Variants in KIF1C observed in about 807,000 individuals in gnomAD.
KIF1C encodes the protein kinesin family member 1C.
A neutral mutation model predicts 126.5 loss-of-function variants in KIF1C; 61 were observed. The ratio of observed to expected loss-of-function variants is 0.48; its 90% CI spans 0.39 to 0.60. The LOEUF is 0.60. KIF1C is among the 20% of genes least tolerant of loss of function. The pLI is 0.00. For synonymous variants in KIF1C, 640 were observed against 580.6 expected (o/e 1.10, Z -1.47); for missense variants, 1,315 against 1,489.2 (o/e 0.88, Z 1.93).
rs2143331092 is a variant in KIF1C, at chr17:5,006,897, CCT to C, written c.1166-15_1166-14del. 2 of 1,610,886 alleles carry C rather than the reference CCT, an allele frequency of 1.2e-6. No homozygotes were observed. Among genetic ancestry groups the C allele is most frequent in the Non-Finnish European group, 1.7e-6 (2 of 1,179,178 alleles). On this transcript the variant is annotated splice_polypyrimidine_tract_variant and intron_variant, in intron 13 of 22. Transcript: ENST00000320785. The stretch of plus-strand genomic sequence containing the variant: ...TTCTTTCCTTAGCCTCATTCTTTTT[CCT>C]CTTTCTCCCTCCCAGGCCTGAAGAC...
intron 16 of KIF1C, among the ~76,000 whole-genome samples, chr17:5,009,455 G>A (rs1375032476): frequency 6.6e-6 from 1 of 151,904 alleles, no homozygotes; most frequent in Non-Finnish European, 1.5e-5. Flanking sequence ...TGGGGTTACA[G>A]GTGTGAGCCA....
intron 18 of KIF1C, among the ~76,000 whole-genome samples, chr17:5,017,362 C>T (rs1190214884): frequency 6.9e-6 from 1 of 144,084 alleles, no homozygotes; most frequent in Non-Finnish European, 1.5e-5. Flanking sequence ...TGCAGTGGCG[C>T]GATCTCGGCT....
rs952776806 is a variant in KIF1C at position 5,005,123 on chromosome 17, C to A, written c.1165+123C>A. The A allele has an allele frequency of 1.6e-5, 19 of 1,214,906 alleles. No individual in the cohort carries two copies. In the African/African-American group the frequency reaches 2.7e-4, roughly 17 times the overall value. 75.3% of individuals were successfully genotyped at this position (1,214,906 alleles called of 1,614,324 possible). A position where few individuals can be genotyped will look rare whatever the true frequency, so the allele number is the denominator to read the frequency against. The stretch of plus-strand genomic sequence containing the variant: ...CACACTATGAAACCTTTCATGTGCT[C>A]AGTGACGTGGACACAGATGTGGAGA... On this transcript the variant is annotated intron_variant, in intron 13 of 22. Transcript: ENST00000320785.
At chr17:5,018,290 T>G (rs1416963676) in intron 18 of KIF1C, among the ~76,000 whole-genome samples, 1 of 151,844 alleles carries the variant, frequency 6.6e-6, no homozygotes, top group Non-Finnish European at 1.5e-5. Context: ...CCTATTCCCT[T>G]TAGAGAGGAC....
chr17:5,012,304 G>A (rs1417168402), intron 16 of KIF1C, among the ~76,000 whole-genome samples: 3 of 152,098 alleles, frequency 2.0e-5, no homozygotes, highest in South Asian at 4.2e-4. Context: ...AAAACTTCCC[G>A]GAGGAAGTTG....
At position 5,007,552 on chromosome 17, in the gene KIF1C, G is replaced by A. The variant is rs773019713; in HGVS notation, c.1491+10G>A. ...CTTCTCTCCAAAGAAGGTGAGTGAGGAATCGAGCGAGGAGGCCTAGAGAGC... is the reference window on the plus strand; with the variant it reads ...CTTCTCTCCAAAGAAGGTGAGTGAGAAATCGAGCGAGGAGGCCTAGAGAGC... On this transcript the variant is annotated intron_variant, in intron 16 of 22. Coordinates refer to ENST00000320785, the MANE Select transcript of KIF1C (RefSeq NM_006612.6). 1.9e-6 allele frequency: 3 copies of A among 1,540,260 alleles called. No individual in the cohort carries two copies. In the African/African-American group the frequency reaches 4.1e-5, roughly 21 times the overall value.
In KIF1C at chr17:5,019,465, T is replaced by C. The variant is rs533129670; in HGVS notation, c.1667-531T>C. The C allele has an allele frequency of 1.8e-4, 32 of 173,340 alleles. No homozygotes were observed. The South Asian group carries it at 5.8e-3, about 32-fold the overall frequency. The allele number at this position is 173,340 out of a possible 1,614,324, so 10.7% of individuals were successfully genotyped here. On this transcript the variant is annotated intron_variant, in intron 18 of 22. Transcript: ENST00000320785. ...AACTGGCAGGCTCAGTGATTTGTAC[T>C]GAGGAGCAGCTAGATGGATGTTTGG...
Position 5,023,924 on chromosome 17 carries a change from C to T in KIF1C, c.3085C>T (p.Pro1029Ser). 1 of 1,568,264 alleles carries T rather than the reference C, an allele frequency of 6.4e-7. No homozygotes were observed. Among genetic ancestry groups the T allele is most frequent in the Non-Finnish European group, 8.6e-7 (1 of 1,156,698 alleles). Residue 1029 changes from proline to serine, a missense_variant, in exon 23 of 23, where the codon CCC becomes TCC. Physicochemically the swap from Pro to Ser is moderately conservative, Grantham distance 74 (BLOSUM62 -1). Around this residue, in one of 2 missense-constraint regions of KIF1C, gnomAD observed 441 missense variants for 436.1 expected, o/e 1.01. Transcript: ENST00000320785. This position sits in a 1 kb window ranked among gnomAD's most constrained non-coding sequence, Gnocchi z 4.2. ...TCCGAGTCCCCGAAGGTCCCACCAT[C>T]CCCGCAGGAACTCCCTGGATGGAGG... ...RPPSPRRSHH[P>S]RRNSLDGGGR...
chr17:5,023,537 G>A lies in KIF1C; in HGVS notation c.2698G>A (p.Glu900Lys). 6.2e-7 allele frequency: 1 copy of A among 1,613,808 alleles called. No homozygotes were observed. The highest frequency in any genetic ancestry group is 1.1e-5 in the South Asian group (1 of 91,072). Residue 900 changes from glutamate to lysine, a missense_variant, in exon 23 of 23, where the codon GAG (glutamate) becomes AAG (lysine). Physicochemically the swap from Glu to Lys is moderately conservative, Grantham distance 56. Transcript: ENST00000320785. This position sits in a 1 kb window ranked among gnomAD's most constrained non-coding sequence, Gnocchi z 4.2. ...CCCGCCTGAAGGATCAGAGGCAGCAGAGGAGGCAGCCCCCAGTGACCGCAT... is the reference window on the plus strand; with the variant it reads ...CCCGCCTGAAGGATCAGAGGCAGCAAAGGAGGCAGCCCCCAGTGACCGCAT... ...WAPPEGSEAA[E>K]EAAPSDRMPS...
chr17:5,004,528 C>G (rs767407779), intron 11 of KIF1C, 39 bp from the exon 12 acceptor site: 63 of 1,598,324 alleles, frequency 3.9e-5, no homozygotes, highest in Non-Finnish European at 5.2e-5. Context: ...TGCTTAGCCC[C>G]TCCCTCAGCT....
chr17:5,019,750 A>G (rs1444853755), intron 18 of KIF1C: 1 of 549,452 alleles, frequency 1.8e-6, no homozygotes, highest in African/African-American at 1.9e-5. Flanking sequence ...GGGAGGATAG[A>G]GGTGGGTGAG....
intron 18 of KIF1C, among the ~76,000 whole-genome samples, chr17:5,018,380 C>T (rs554898339): frequency 3.3e-5 from 5 of 151,836 alleles, no homozygotes; most frequent in South Asian, 2.1e-4. Context: ...TAATAAATGG[C>T]ATCTGGCCAG....
At position 4,998,065 on chromosome 17, in the gene KIF1C, A is replaced by T. The variant is rs941324535; in HGVS notation, c.-240A>T. 1.3e-5 allele frequency: 2 copies of T among 150,622 alleles called. No individual in the cohort carries two copies. The highest frequency in any genetic ancestry group is 4.9e-5 in the African/African-American group (2 of 41,060). The allele number at this position is 150,622 out of a possible 1,614,324, so 9.3% of individuals were successfully genotyped here. On this transcript the variant is annotated 5_prime_UTR_variant, in exon 1 of 23. Coordinates refer to ENST00000320785, the MANE Select transcript of KIF1C (RefSeq NM_006612.6). ...CGGCGAGGGGCGGGGGCAGCTCCGA[A>T]CCGGCCCCAGATCCTTCCCGCTTCC...
chr17:5,017,053 A>C (rs1974986142), intron 18 of KIF1C, among the ~76,000 whole-genome samples: 1 of 152,180 alleles, frequency 6.6e-6, no homozygotes, highest in Admixed American at 6.5e-5. Flanking sequence ...AGTTCAGCCC[A>C]GTGAGTTATT....
rs746467874 is a variant in KIF1C at position 5,003,997 on chromosome 17, G to A, written c.865-1G>A. 2 of 1,613,926 alleles carry A rather than the reference G, an allele frequency of 1.2e-6. No individual in the cohort carries two copies. Among genetic ancestry groups the A allele is most frequent in the Non-Finnish European group, 1.7e-6 (2 of 1,179,876 alleles). On this transcript the variant is annotated splice_acceptor_variant, in intron 10 of 22. Coordinates refer to ENST00000320785, the MANE Select transcript of KIF1C (RefSeq NM_006612.6). LOFTEE classifies it high-confidence loss of function. ...ACCTCCTTCCTCCTTTTATCCCCCA[G>A]CAATCAAAGAAGCGAAAGTCGGATT...
At position 5,003,598 on chromosome 17, in the gene KIF1C, TCCTCTGACC is replaced by T. The variant is rs777599856; in HGVS notation, c.721-11_721-3del. 3.1e-6 allele frequency: 5 copies of T among 1,601,256 alleles called. No homozygotes were observed. In the South Asian group the frequency reaches 5.6e-5, roughly 18 times the overall value. On this transcript the variant is annotated splice_polypyrimidine_tract_variant and splice_region_variant and intron_variant, in intron 8 of 22. Coordinates refer to ENST00000320785, the MANE Select transcript of KIF1C (RefSeq NM_006612.6). ...ACCCGCACCTTATCTCCTGCCTGTTTCCTCTGACCCCAGGTCAGTAAGATCAGTTTGGTG... is the reference window on the plus strand; with the variant it reads ...ACCCGCACCTTATCTCCTGCCTGTTTCCAGGTCAGTAAGATCAGTTTGGTG...
rs1975199743 is a variant in KIF1C at position 5,025,819 on chromosome 17, C to T, written c.*1668C>T. 1 of 152,160 alleles carries T rather than the reference C, an allele frequency of 6.6e-6. No homozygotes were observed. The highest frequency in any genetic ancestry group is 1.5e-5 in the Non-Finnish European group (1 of 68,030). The allele number at this position is 152,160 out of a possible 1,614,324, so 9.4% of individuals were successfully genotyped here. On this transcript the variant is annotated 3_prime_UTR_variant, in exon 23 of 23. Coordinates refer to ENST00000320785, the MANE Select transcript of KIF1C (RefSeq NM_006612.6). ...TGGGCGACAGAGCGAGACTCCATTT[C>T]AAGAAAAATTAAAAAACTGTTTGTT...
chr17:5,024,261 G>A lies in KIF1C; in HGVS notation c.*110G>A. 1.3e-6 allele frequency: 1 copy of A among 787,814 alleles called. No homozygotes were observed. The highest frequency in any genetic ancestry group is 2.0e-6 in the Non-Finnish European group (1 of 488,964). 48.8% of individuals were successfully genotyped at this position (787,814 alleles called of 1,614,324 possible). On this transcript the variant is annotated 3_prime_UTR_variant, in exon 23 of 23. Transcript: ENST00000320785. ...TGGGGCAGGGAGGCCCAGGAGATGA[G>A]AGAGAAGGTCCGAGTAGGTGATAGA...
intron 11 of KIF1C, among the ~76,000 whole-genome samples, 156 bp from the exon 12 acceptor site, chr17:5,004,411 A>G (rs768570562): frequency 6.6e-6 from 1 of 152,076 alleles, no homozygotes; most frequent in Non-Finnish European, 1.5e-5. Context: ...TCCCATAACC[A>G]GATGTCATGG....
Sources: allele counts gnomAD v4.1 joint callset (sites outside exome capture counted in the v4.1 genomes callset), GRCh38; gene constraint gnomAD v4.1.1; regional missense constraint gnomAD v4.1.1; non-coding constraint Gnocchi (gnomAD v3.1); transcripts MANE v1.5; gene names NCBI Gene and HGNC (gene_info 2026-07-23, HGNC 2026-07-21).